The following PRKCA variants were observed in gnomAD, a reference collection of about 807,000 sequenced individuals.
The protein encoded by PRKCA is protein kinase C alpha.
A neutral mutation model predicts 87.0 loss-of-function variants in PRKCA; 27 were observed. That is an observed-to-expected ratio of 0.31 (90% CI 0.23 to 0.43). The LOEUF is 0.43. Ranked by LOEUF, PRKCA falls within the 20% of genes least tolerant of loss-of-function variation. The pLI is 1.00. For missense variants in PRKCA, 518 were observed against 852.3 expected (o/e 0.61, Z 4.88); for synonymous variants, 329 against 311.1 (o/e 1.06, Z -0.61).
At chr17:66,732,007 C>G (rs1973911019) in intron 8 of PRKCA, among the ~76,000 whole-genome samples, 1 of 151,266 alleles carries the variant, frequency 6.6e-6, no homozygotes, top group Non-Finnish European at 1.5e-5. Flanking sequence ...CCAGGCTGGT[C>G]TCAAACTCCA....
intron 2 of PRKCA, among the ~76,000 whole-genome samples, chr17:66,397,695 G>A (rs185643755): frequency 1.4e-3 from 206 of 152,100 alleles, no homozygotes; most frequent in Non-Finnish European, 2.5e-3. Context: ...TACATCAAGG[G>A]CCTCTAGAGA....
At chr17:66,303,341 C>A (rs916400931) in intron 1 of PRKCA, among the ~76,000 whole-genome samples, 1 of 152,146 alleles carries the variant, frequency 6.6e-6, no homozygotes, top group Non-Finnish European at 1.5e-5. Flanking sequence ...CCCAGCGGAG[C>A]GGCCGCTTGC....
At chr17:66,542,121 GTT>G (rs1217182996) in intron 3 of PRKCA, among the ~76,000 whole-genome samples, 1 of 152,200 alleles carries the variant, frequency 6.6e-6, no homozygotes, top group Non-Finnish European at 1.5e-5. Context: ...TGTTTAAGGA[GTT>G]TATACGGAGT....
intron 2 of PRKCA, among the ~76,000 whole-genome samples, chr17:66,435,364 G>C (rs1298823868): frequency 6.6e-6 from 1 of 152,224 alleles, no homozygotes; most frequent in Non-Finnish European, 1.5e-5. Context: ...TATGTTGTCA[G>C]AAAGCTCAAA....
chr17:66,478,322 G>T (rs1250979068), intron 2 of PRKCA, among the ~76,000 whole-genome samples: 3 of 151,950 alleles, frequency 2.0e-5, no homozygotes, highest in African/African-American at 7.3e-5. Flanking sequence ...TGGCACAATC[G>T]CAGCTCACCG....
rs1976131382 is a variant in PRKCA, at chr17:66,810,068, G to C, written c.*6031G>C. The C allele has an allele frequency of 1.3e-5, 2 of 152,242 alleles. No individual in the cohort carries two copies. The highest frequency in any genetic ancestry group is 6.5e-5 in the Admixed American group (1 of 15,282). 9.4% of individuals were successfully genotyped at this position (152,242 alleles called of 1,614,324 possible). A position where few individuals can be genotyped will look rare whatever the true frequency, so the allele number is the denominator to read the frequency against. The stretch of plus-strand genomic sequence containing the variant: ...TTCATAGTTACCACTTACGCGAGTA[G>C]ACAGAACTCGGCTTTTCAGAAAATA... On this transcript the variant is annotated 3_prime_UTR_variant, in exon 17 of 17. Coordinates refer to ENST00000413366, the MANE Select transcript of PRKCA (RefSeq NM_002737.3).
chr17:66,612,765 A>G (rs1377261644), intron 3 of PRKCA, among the ~76,000 whole-genome samples: 1 of 151,810 alleles, frequency 6.6e-6, no homozygotes, highest in African/African-American at 2.4e-5. Flanking sequence ...TTGTATGGAA[A>G]CTCAAGAGAT....
chr17:66,553,203 A>G (rs2143236322), intron 3 of PRKCA, among the ~76,000 whole-genome samples: 1 of 152,140 alleles, frequency 6.6e-6, no homozygotes, highest in South Asian at 2.1e-4. Context: ...GCTGGTCTCA[A>G]ACTCCTGAGC....
intron 2 of PRKCA, among the ~76,000 whole-genome samples, chr17:66,321,327 A>G (rs1250262002): frequency 2.0e-5 from 3 of 152,162 alleles, no homozygotes; most frequent in Non-Finnish European, 2.9e-5. Context: ...CCATATTCAG[A>G]ATGAGAAACT....
chr17:66,308,459 T>A (rs993640794), intron 2 of PRKCA, among the ~76,000 whole-genome samples: 2 of 152,202 alleles, frequency 1.3e-5, no homozygotes, highest in African/African-American at 4.8e-5. Context: ...TACCTAATAT[T>A]TGAAACTCTG....
At chr17:66,579,410 G>A (rs1365147303) in intron 3 of PRKCA, among the ~76,000 whole-genome samples, 5 of 152,220 alleles carry the variant, frequency 3.3e-5, no homozygotes, top group Non-Finnish European at 7.3e-5. Flanking sequence ...GGGAAAATGA[G>A]GATGACGGTA....
Position 66,623,084 on chromosome 17 carries a change from A to C in PRKCA, c.289-18271A>C, listed in dbSNP as rs17686720. Reference sequence around the variant, plus strand: ...GACATTAGGACAGTTTTTCTTCTCTATCTTCCACTGGTCATTTCTTTGGTA... The same window carrying C: ...GACATTAGGACAGTTTTTCTTCTCTCTCTTCCACTGGTCATTTCTTTGGTA... On this transcript the variant is annotated intron_variant, in intron 3 of 16. Coordinates refer to ENST00000413366, the MANE Select transcript of PRKCA (RefSeq NM_002737.3). 5.7e-3 allele frequency among the ~76,000 whole-genome samples: 870 copies of C among 152,332 alleles called. 14 individuals are homozygous for C. Among genetic ancestry groups the C allele is most frequent in the African/African-American group, 0.02 (837 of 41,574 alleles).
intron 8 of PRKCA, among the ~76,000 whole-genome samples, chr17:66,713,812 T>C (rs944891030): frequency 6.6e-6 from 1 of 152,140 alleles, no homozygotes; most frequent in African/African-American, 2.4e-5. Flanking sequence ...AGTCACTGGT[T>C]TTCTCTGTTG....
At chr17:66,679,579 C>G (rs915259751) in intron 5 of PRKCA, among the ~76,000 whole-genome samples, 4 of 152,232 alleles carry the variant, frequency 2.6e-5, no homozygotes, top group Non-Finnish European at 5.9e-5. Context: ...TGCCTGCCTT[C>G]CCACCACTCC....
At chr17:66,321,186 A>G (rs1468526994) in intron 2 of PRKCA, among the ~76,000 whole-genome samples, 2 of 152,208 alleles carry the variant, frequency 1.3e-5, no homozygotes, top group Non-Finnish European at 2.9e-5. Context: ...TTCCATGGAA[A>G]ATTTTCCTTC....
chr17:66,497,273 G>A (rs939520056), intron 3 of PRKCA, among the ~76,000 whole-genome samples: 3 of 152,044 alleles, frequency 2.0e-5, no homozygotes, highest in Non-Finnish European at 2.9e-5. Context: ...TGAGGCGGGC[G>A]GATCACCTGA....
intron 3 of PRKCA, among the ~76,000 whole-genome samples, chr17:66,578,494 C>A (rs1177540740): frequency 6.6e-6 from 1 of 152,208 alleles, no homozygotes; most frequent in African/African-American, 2.4e-5. Context: ...GTGGTCTCAG[C>A]AAGCCTTAAA....
intron 2 of PRKCA, among the ~76,000 whole-genome samples, chr17:66,319,648 T>C (rs1366629046): frequency 1.3e-5 from 2 of 152,196 alleles, no homozygotes; most frequent in Non-Finnish European, 2.9e-5. Context: ...AGTAACTGGG[T>C]ATCTCTTACA....
chr17:66,567,052 A>T (rs1010331974), intron 3 of PRKCA, among the ~76,000 whole-genome samples: 8 of 152,212 alleles, frequency 5.3e-5, no homozygotes, highest in Non-Finnish European at 8.8e-5. Context: ...TTCCACTGCA[A>T]GTAAGAATGC....
Sources: gnomAD v4.1 joint callset for allele counts (sites outside exome capture counted in the v4.1 genomes callset) on GRCh38, gnomAD v4.1.1 for gene constraint, MANE v1.5 for transcripts, NCBI Gene and HGNC (gene_info 2026-07-23, HGNC 2026-07-21) for gene names.